The following EXO1 variants were observed in gnomAD, a reference collection of about 807,000 sequenced individuals.
EXO1 encodes the protein exonuclease 1.
In EXO1, 69 loss-of-function variants were observed where a neutral mutation model predicts 84.5. The ratio of observed to expected loss-of-function variants is 0.82; its 90% CI spans 0.67 to 1.00. The LOEUF is 1.00. Among genes scored for constraint, EXO1 ranks in the 50% least tolerant of loss-of-function variants. The pLI, the probability that EXO1 is intolerant of heterozygous loss-of-function variation, is 0.00. For missense variants in EXO1, 1,045 were observed against 1,000.7 expected, an observed-to-expected ratio of 1.04 and a Z score of -0.60; for synonymous variants, 373 against 366.1, an observed-to-expected ratio of 1.02 and a Z score of -0.21.
At chr1:241,857,254 T>C in intron 6 of EXO1, 91 bp from the exon 7 acceptor site, 2 of 1,224,310 alleles carry the variant, frequency 1.6e-6, no homozygotes, top group Non-Finnish European at 2.4e-6. Flanking sequence ...ATGTGCCTGC[T>C]GAGGCTAGTA....
intron 15 of EXO1, among the ~76,000 whole-genome samples, chr1:241,886,105 G>T (rs1483086290): frequency 6.6e-6 from 1 of 152,150 alleles, no homozygotes; most frequent in Non-Finnish European, 1.5e-5. Flanking sequence ...CACCCGCCAC[G>T]GCCTCCCAAG....
At chr1:241,859,053 G>A (rs1028370486) in intron 8 of EXO1, among the ~76,000 whole-genome samples, 6 of 152,092 alleles carry the variant, frequency 3.9e-5, no homozygotes, top group Admixed American at 1.3e-4. Context: ...CTGTTTGGTC[G>A]CAGGATCCCT....
chr1:241,869,563 A>G (rs1470254245), intron 11 of EXO1, among the ~76,000 whole-genome samples: 1 of 152,212 alleles, frequency 6.6e-6, no homozygotes, highest in African/African-American at 2.4e-5. Flanking sequence ...AGCATAGATT[A>G]TACATATTCG....
At position 241,857,395 on chromosome 1, in the gene EXO1, T is replaced by G; in HGVS notation, c.456T>G (p.Asp152Glu). 6.2e-7 allele frequency: 1 copy of G among 1,614,008 alleles called. No homozygotes were observed. ...VDCLVAPYEADAQLAYLNKAG... is the reference protein window; with the variant it reads ...VDCLVAPYEAEAQLAYLNKAG... ...GCCTCGTGGCTCCCTATGAAGCTGA[T>G]GCGCAGTTGGCCTATCTTAACAAAG... The change falls in exon 7 of 16, where the codon GAT becomes GAG. Residue 152 changes from aspartate (D) to glutamate (E), a missense_variant. Coordinates refer to ENST00000366548, the MANE Select transcript of EXO1 (RefSeq NM_130398.4).
In EXO1 at chr1:241,889,553, T is replaced by C; in HGVS notation, c.2494T>C (p.Phe832Leu). 2 of 1,614,056 alleles carry C rather than the reference T, an allele frequency of 1.2e-6. No homozygotes were observed. The highest frequency in any genetic ancestry group is 1.7e-6 in the Non-Finnish European group (2 of 1,179,962). ...AACTCCAGAAGCGGAAGAGGATATA[T>C]TTAACAAACCTGAATGTGGCCGTGT... ...QLTPEAEEDI[F>L]NKPECGRVQR... is the part of the protein sequence containing the mutation. The change falls in exon 16 of 16, where the codon TTT (phenylalanine) becomes CTT (leucine). Residue 832 changes from phenylalanine (F) to leucine (L), a missense_variant. Phe to Leu is a conservative substitution (Grantham distance 22). Coordinates refer to ENST00000366548, the MANE Select transcript of EXO1 (RefSeq NM_130398.4).
chr1:241,854,482 AC>A (rs1343680831), intron 6 of EXO1: 1 of 152,258 alleles, frequency 6.6e-6, no homozygotes, highest in African/African-American at 2.4e-5. Flanking sequence ...TTTCTAGCTT[AC>A]AGTTCTGTCA....
chr1:241,887,084 T>C (rs550295793), intron 15 of EXO1, among the ~76,000 whole-genome samples: 10 of 152,350 alleles, frequency 6.6e-5, no homozygotes, highest in Non-Finnish European at 1.5e-4. Flanking sequence ...ACTTGTAGTT[T>C]CTTTAGGTCA....
chr1:241,871,412 G>C (rs1052900612), intron 11 of EXO1, among the ~76,000 whole-genome samples: 2 of 152,294 alleles, frequency 1.3e-5, no homozygotes, highest in South Asian at 4.1e-4. Context: ...CCTTAGTGCT[G>C]TCTCTATGTA....
At position 241,867,040 on chromosome 1, in the gene EXO1, A is replaced by G. The variant is rs1661786671; in HGVS notation, c.1252A>G (p.Lys418Glu). ...LNLPRKSSIV[K>E]RPRSAELSED... ...TCTCCCAAGGAAATCATCCATTGTG[A>G]AAAGACCAAGAAGTGGTACGTATTT... Residue 418 changes from lysine (K) to glutamate (E), a missense_variant, in exon 11 of 16, where the codon AAA (lysine) becomes GAA (glutamate). Coordinates refer to ENST00000366548, the MANE Select transcript of EXO1 (RefSeq NM_130398.4). The G allele has an allele frequency of 6.2e-7, 1 of 1,613,136 alleles. No individual in the cohort carries two copies. Among genetic ancestry groups the G allele is most frequent in the Non-Finnish European group, 8.5e-7 (1 of 1,179,080 alleles).
At chr1:241,876,399 T>C (rs1662404274) in intron 12 of EXO1, among the ~76,000 whole-genome samples, 2 of 151,542 alleles carry the variant, frequency 1.3e-5, no homozygotes, top group South Asian at 2.1e-4. Flanking sequence ...CTGGCCAACA[T>C]AGTGAAACCC....
intron 8 of EXO1, 88 bp from the exon 9 acceptor site, chr1:241,860,429 T>C (rs973198226): frequency 2.8e-6 from 3 of 1,061,386 alleles, no homozygotes; most frequent in Admixed American, 3.4e-5. Flanking sequence ...TTTCAATCCC[T>C]CTTTATGAAT....
At chr1:241,860,803 A>AT in intron 9 of EXO1, 99 bp downstream of exon 9, 2 of 940,268 alleles carry the variant, frequency 2.1e-6, no homozygotes, top group African/African-American at 1.6e-5. Flanking sequence ...CTTGCACATT[A>AT]TTTTTTGCTC....
chr1:241,875,069 T>C (rs1238998150), intron 12 of EXO1, among the ~76,000 whole-genome samples: 2 of 152,206 alleles, frequency 1.3e-5, no homozygotes, highest in South Asian at 4.1e-4. Flanking sequence ...AGTGGCGCCA[T>C]CTCGGCTCAC....
chr1:241,889,383 C>G (rs4150020), intron 15 of EXO1, 82 bp from the exon 16 acceptor site: 222,394 of 1,238,934 alleles, frequency 0.18, 22,826 homozygotes, highest in East Asian at 0.42. Flanking sequence ...CTTCATGTCC[C>G]TCTATTTTGT....
chr1:241,882,037 T>A lies in EXO1; in HGVS notation c.2211+20T>A. ...AACAAGGTAAAACATTTATTTAATT[T>A]TTTTTTTAATTTCAGAAGCGGTGTA... On this transcript the variant is annotated intron_variant, in intron 14 of 15. Transcript: ENST00000366548. 8.0e-7 allele frequency: 1 copy of A among 1,256,352 alleles called. No individual in the cohort carries two copies. Among genetic ancestry groups the A allele is most frequent in the Non-Finnish European group, 1.2e-6 (1 of 859,550 alleles). The allele number at this position is 1,256,352 out of a possible 1,614,324, so 77.8% of individuals were successfully genotyped here.
At chr1:241,855,093 CAA>C (rs1449985029) in intron 6 of EXO1, among the ~76,000 whole-genome samples, 3 of 152,138 alleles carry the variant, frequency 2.0e-5, no homozygotes, top group African/African-American at 7.2e-5. Flanking sequence ...AGCGAAAGAA[CAA>C]AGCTTCCATG....
Position 241,879,183 on chromosome 1 carries a change from A to G in EXO1, c.1949A>G (p.Asp650Gly), listed in dbSNP as rs777830293. 6.9e-6 allele frequency: 11 copies of G among 1,605,414 alleles called. No individual in the cohort carries two copies. The highest frequency in any genetic ancestry group is 8.5e-6 in the Non-Finnish European group (10 of 1,173,082). ...TCTTTGCCTGAGAATAATATGTCTG[A>G]TGTGTCGCAGTTAAAGAGCGAGGAG... ...PTSLPENNMS[D>G]VSQLKSEESS... Residue 650 changes from aspartate (D) to glycine (G), a missense_variant, in exon 13 of 16, where the codon GAT (aspartate) becomes GGT (glycine). Coordinates refer to ENST00000366548, the MANE Select transcript of EXO1 (RefSeq NM_130398.4).
chr1:241,865,426 G>A (rs757205874), intron 10 of EXO1, among the ~76,000 whole-genome samples: 4 of 151,462 alleles, frequency 2.6e-5, no homozygotes, highest in Non-Finnish European at 4.4e-5. Context: ...GGTCAGGCTG[G>A]TCTCAAACTC....
intron 13 of EXO1, among the ~76,000 whole-genome samples, chr1:241,880,167 G>A (rs1003451236): frequency 1.3e-5 from 2 of 152,096 alleles, no homozygotes; most frequent in African/African-American, 2.4e-5. Flanking sequence ...ACACAGGTGT[G>A]CATACTGGTC....
Sources: allele counts gnomAD v4.1 joint callset (sites outside exome capture counted in the v4.1 genomes callset), GRCh38; gene constraint gnomAD v4.1.1; transcripts MANE v1.5; gene names NCBI Gene and HGNC (gene_info 2026-07-23, HGNC 2026-07-21).